The following KIDINS220 variants were observed in gnomAD, a reference collection of about 807,000 sequenced individuals.
KIDINS220 encodes the protein kinase D interacting substrate 220.
In KIDINS220, 63 loss-of-function variants were observed where a neutral mutation model predicts 157.6. The observed-to-expected ratio is 0.40, with a 90% CI of 0.33 to 0.49. The LOEUF (loss-of-function observed/expected upper bound fraction) is 0.49. KIDINS220 is among the 20% of genes least tolerant of loss of function. KIDINS220 has a pLI of 0.66. For missense variants in KIDINS220, 1,772 were observed against 2,171.2 expected, an observed-to-expected ratio of 0.82 and a Z score of 3.65; for synonymous variants, 732 against 783.6, an observed-to-expected ratio of 0.93 and a Z score of 1.10.
At chr2:8,801,241 G>C (rs1674643434) in intron 8 of KIDINS220, among the ~76,000 whole-genome samples, 1 of 152,166 alleles carries the variant, frequency 6.6e-6, no homozygotes. Flanking sequence ...GTAGTCTTTT[G>C]TGTTGAATGA....
At chr2:8,798,339 T>C (rs748148449) in intron 9 of KIDINS220, 39 bp from the exon 10 acceptor site, 7 of 1,139,458 alleles carry the variant, frequency 6.1e-6, no homozygotes, top group Non-Finnish European at 6.6e-6. Context: ...TCATGTAAGA[T>C]ACAATATTTA....
intron 26 of KIDINS220, chr2:8,740,259 T>G: frequency 7.8e-6 from 5 of 642,774 alleles, no homozygotes; most frequent in Non-Finnish European, 7.7e-6. Context: ...TATAAATGTC[T>G]AACATACACA....
At chr2:8,832,318 A>G (rs1225517119) in intron 1 of KIDINS220, among the ~76,000 whole-genome samples, 2 of 152,236 alleles carry the variant, frequency 1.3e-5, no homozygotes, top group Non-Finnish European at 2.9e-5. Flanking sequence ...TCACTGAATA[A>G]TTGATTATTA....
intron 1 of KIDINS220, among the ~76,000 whole-genome samples, chr2:8,829,512 C>G (rs1679303990): frequency 6.6e-6 from 1 of 151,602 alleles, no homozygotes; most frequent in Non-Finnish European, 1.5e-5. Context: ...TCCATAAGAA[C>G]AAAAATCTTA....
intron 9 of KIDINS220, among the ~76,000 whole-genome samples, chr2:8,799,200 A>T (rs1674362665): frequency 6.6e-6 from 1 of 151,626 alleles, no homozygotes; most frequent in Admixed American, 6.6e-5. Context: ...GCGGTCTTTC[A>T]CTTTCTAATT....
At chr2:8,778,494 T>A (rs1214512185) in intron 20 of KIDINS220, 145 bp downstream of exon 20, 1 of 695,632 alleles carries the variant, frequency 1.4e-6, no homozygotes, top group Non-Finnish European at 2.6e-6. Flanking sequence ...CTGAAACACA[T>A]GAAGCTGAAA....
chr2:8,836,818 CATAG>C (rs1680477974), intron 1 of KIDINS220, among the ~76,000 whole-genome samples: 1 of 152,134 alleles, frequency 6.6e-6, no homozygotes, highest in African/African-American at 2.4e-5. Context: ...AACAAGCGCC[CATAG>C]GGAGCAGAGA....
intron 26 of KIDINS220, 91 bp downstream of exon 26, chr2:8,747,054 A>C: frequency 9.0e-7 from 1 of 1,107,520 alleles, no homozygotes; most frequent in Non-Finnish European, 1.4e-6. Context: ...ACGCAGAGTT[A>C]GTGAGCTGCT....
intron 6 of KIDINS220, among the ~76,000 whole-genome samples, chr2:8,806,951 C>G (rs1675534430): frequency 6.6e-6 from 1 of 152,178 alleles, no homozygotes; most frequent in Non-Finnish European, 1.5e-5. Context: ...TTTCAACAAG[C>G]TTTCATCGCT....
intron 3 of KIDINS220, among the ~76,000 whole-genome samples, chr2:8,818,488 T>TA (rs1299402345): frequency 3.9e-5 from 6 of 152,194 alleles, no homozygotes; most frequent in East Asian, 3.9e-4. Flanking sequence ...CTCATCCATA[T>TA]AAAAAAACCA....
chr2:8,736,039 G>C (rs1236134627), intron 27 of KIDINS220, among the ~76,000 whole-genome samples: 1 of 152,234 alleles, frequency 6.6e-6, no homozygotes, highest in Admixed American at 6.5e-5. Flanking sequence ...GCACGAGCCA[G>C]CTCTGTAAGG....
chr2:8,749,943 C>A (rs1667098612), intron 24 of KIDINS220, among the ~76,000 whole-genome samples, 169 bp downstream of exon 24: 1 of 152,130 alleles, frequency 6.6e-6, no homozygotes, highest in Non-Finnish European at 1.5e-5. Flanking sequence ...CATTAAAATT[C>A]TAAATTATTT....
chr2:8,735,595 C>T (rs1572421704), intron 27 of KIDINS220, among the ~76,000 whole-genome samples: 2 of 152,038 alleles, frequency 1.3e-5, no homozygotes, highest in Admixed American at 1.3e-4. Flanking sequence ...TTCTAGTTTC[C>T]CCTAAATGAA....
rs1337854709 is a variant in KIDINS220, at chr2:8,731,901, C to T, written c.4135G>A (p.Val1379Met). The part of the protein sequence containing the change: ...SIEISKLTDK[V>M]QAEYRDAYRE... ...TAGGCATCTCTATACTCGGCCTGCA[C>T]CTTATCAGTAAGCTTTGAAATTTCA... The change falls in exon 30 of 30, where the codon GTG (valine) becomes ATG (methionine). Residue 1379 changes from valine to methionine, a missense_variant. Physicochemically the swap from Val to Met is conservative, Grantham distance 21. Around this residue, in one of 3 missense-constraint regions of KIDINS220, gnomAD observed 793 missense variants for 885.5 expected, o/e 0.90. Coordinates refer to ENST00000256707, the MANE Select transcript of KIDINS220 (RefSeq NM_020738.4). This position sits in a 1 kb window ranked among gnomAD's most constrained non-coding sequence, Gnocchi z 5.2. 6.2e-7 allele frequency: 1 copy of T among 1,613,376 alleles called. No individual in the cohort carries two copies. Among genetic ancestry groups the T allele is most frequent in the East Asian group, 2.2e-5 (1 of 44,884 alleles).
intron 26 of KIDINS220, among the ~76,000 whole-genome samples, chr2:8,743,640 C>A (rs781241748): frequency 6.6e-5 from 10 of 152,186 alleles, no homozygotes; most frequent in Non-Finnish European, 1.2e-4. Flanking sequence ...TGGTGGTGAG[C>A]GCCATGGTCT....
chr2:8,734,102 GA>G (rs914026525), intron 28 of KIDINS220, among the ~76,000 whole-genome samples: 1 of 151,812 alleles, frequency 6.6e-6, no homozygotes, highest in African/African-American at 2.4e-5. Context: ...AATGAGTGGG[GA>G]TCTACCACCA....
chr2:8,829,867 T>C (rs978033058), intron 1 of KIDINS220, among the ~76,000 whole-genome samples: 3 of 152,024 alleles, frequency 2.0e-5, no homozygotes, highest in Admixed American at 2.0e-4. Flanking sequence ...CCACTCCTTC[T>C]AGGATCAAGC....
chr2:8,722,902 A>AT (rs1663040596), downstream of KIDINS220: 1 of 152,148 alleles, frequency 6.6e-6, no homozygotes, highest in Non-Finnish European at 1.5e-5. Flanking sequence ...CGTTTCTTGG[A>AT]TTGTGGAAAG....
At chr2:8,795,532 T>C (rs1484432324) in intron 11 of KIDINS220, among the ~76,000 whole-genome samples, 1 of 152,236 alleles carries the variant, frequency 6.6e-6, no homozygotes, top group Non-Finnish European at 1.5e-5. Context: ...GGTTCAAGAC[T>C]TTTAAAAGTT....
Sources: gnomAD v4.1 joint callset for allele counts (sites outside exome capture counted in the v4.1 genomes callset) on GRCh38, gnomAD v4.1.1 for gene constraint, gnomAD v4.1.1 regional missense constraint, Gnocchi (gnomAD v3.1) non-coding constraint, MANE v1.5 for transcripts, NCBI Gene and HGNC (gene_info 2026-07-23, HGNC 2026-07-21) for gene names.